SHISA9: variants seen among roughly 807,000 people sequenced by gnomAD.
SHISA9 encodes the protein protein shisa-9.
Under a neutral mutation model 38.0 loss-of-function variants are expected in SHISA9, and 13 were observed. The ratio of observed to expected loss-of-function variants is 0.34; its 90% CI spans 0.22 to 0.54. The LOEUF (loss-of-function observed/expected upper bound fraction) is 0.54, where lower values mean the gene tolerates loss of function less well. SHISA9 is among the 20% of genes least tolerant of loss of function. The pLI is 0.91. For missense variants in SHISA9, 538 were observed against 575.8 expected, an observed-to-expected ratio of 0.93 and a Z score of 0.67; for synonymous variants, 275 against 242.0, an observed-to-expected ratio of 1.14 and a Z score of -1.27.
the SHISA9 span, among the ~76,000 whole-genome samples, chr16:13,440,861 G>T: frequency 6.6e-6 from 1 of 151,774 alleles, no homozygotes; most frequent in Non-Finnish European, 1.5e-5. Flanking sequence ...GGCAGAGATT[G>T]CAGTGAGCTG....
chr16:13,435,227 C>A, the SHISA9 span, among the ~76,000 whole-genome samples: 1 of 139,402 alleles, frequency 7.2e-6, no homozygotes, highest in East Asian at 2.0e-4. Context: ...TTCTTAGAAT[C>A]TTTTTTTTTT....
At chr16:13,228,622 T>C (rs1408133944) in intron 4 of SHISA9, among the ~76,000 whole-genome samples, 2 of 152,186 alleles carry the variant, frequency 1.3e-5, no homozygotes, top group African/African-American at 4.8e-5. Context: ...GAAAGATTAC[T>C]GGGAGGAAAG....
intron 2 of SHISA9, among the ~76,000 whole-genome samples, chr16:13,026,868 A>T (rs1264618967): frequency 6.6e-6 from 1 of 152,212 alleles, no homozygotes; most frequent in Non-Finnish European, 1.5e-5. Context: ...TAGGAGAAGG[A>T]TGTGAAGCTC....
chr16:13,473,250 C>A, the SHISA9 span, among the ~76,000 whole-genome samples: 1 of 151,962 alleles, frequency 6.6e-6, no homozygotes, highest in East Asian at 1.9e-4. Context: ...ATTACCAAGG[C>A]AAGATACTTC....
chr16:13,375,071 G>A, the SHISA9 span, among the ~76,000 whole-genome samples: 1 of 152,000 alleles, frequency 6.6e-6, no homozygotes, highest in Non-Finnish European at 1.5e-5. Context: ...CTGGATATTA[G>A]CCCTTTGTCA....
chr16:13,132,553 C>A (rs1251209116), intron 2 of SHISA9, among the ~76,000 whole-genome samples: 3 of 152,204 alleles, frequency 2.0e-5, no homozygotes, highest in East Asian at 3.9e-4. Flanking sequence ...GCATCCACTT[C>A]CCCCATCTGT....
downstream of SHISA9, among the ~76,000 whole-genome samples, chr16:13,241,802 TC>T (rs1313995053): frequency 6.6e-6 from 1 of 152,108 alleles, no homozygotes; most frequent in East Asian, 1.9e-4. Flanking sequence ...CCAGAGCAGA[TC>T]CCCTGGGCTG....
Position 12,979,176 on chromosome 16 carries a change from C to T in SHISA9, c.691+62361C>T, listed in dbSNP as rs567148228. The stretch of plus-strand genomic sequence containing the variant: ...AATTCTTGCATGGTTTATAGCCACA[C>T]CCTCTCTGCTGGTCTTTGCCTGATC... On this transcript the variant is annotated intron_variant, in intron 2 of 4. Transcript: ENST00000558583. Among the ~76,000 whole-genome samples, 71 of 152,310 alleles carry T rather than the reference C, an allele frequency of 4.7e-4. No homozygotes were observed. In the South Asian group the frequency reaches 0.015, roughly 31 times the overall value.
At chr16:13,428,680 G>T in the SHISA9 span, among the ~76,000 whole-genome samples, 1 of 152,142 alleles carries the variant, frequency 6.6e-6, no homozygotes, top group Non-Finnish European at 1.5e-5. Flanking sequence ...GAAGGGTCTT[G>T]TCTGTTGGGC....
intron 2 of SHISA9, among the ~76,000 whole-genome samples, chr16:13,041,912 A>C (rs764481997): frequency 6.6e-6 from 1 of 152,242 alleles, no homozygotes; most frequent in Non-Finnish European, 1.5e-5. Flanking sequence ...AGCACATATG[A>C]GTACCATCGA....
chr16:13,207,101 T>G (rs2051072513), intron 3 of SHISA9, among the ~76,000 whole-genome samples: 1 of 152,158 alleles, frequency 6.6e-6, no homozygotes, highest in South Asian at 2.1e-4. Context: ...CTGTCTCTAC[T>G]AAAAATACAA....
At chr16:12,939,159 C>G (rs150934981) in intron 2 of SHISA9, among the ~76,000 whole-genome samples, 2 of 152,090 alleles carry the variant, frequency 1.3e-5, no homozygotes, top group African/African-American at 4.8e-5. Context: ...TCTTGGCTCA[C>G]TGCAGCTTCT....
At chr16:13,416,398 T>G in the SHISA9 span, among the ~76,000 whole-genome samples, 5 of 152,100 alleles carry the variant, frequency 3.3e-5, no homozygotes, top group African/African-American at 1.2e-4. Context: ...AGCACTAGAG[T>G]ACATATTCAA....
At chr16:12,993,982 T>C (rs1298817134) in intron 2 of SHISA9, among the ~76,000 whole-genome samples, 1 of 151,112 alleles carries the variant, frequency 6.6e-6, no homozygotes, top group Non-Finnish European at 1.5e-5. Flanking sequence ...GAGGGGAAAA[T>C]GGAGAAAATG....
chr16:13,167,077 T>TC (rs1200503462), intron 2 of SHISA9, among the ~76,000 whole-genome samples: 1 of 144,884 alleles, frequency 6.9e-6, no homozygotes, highest in Non-Finnish European at 1.5e-5. Context: ...TTTTTCTTTT[T>TC]TTTTTTTTTT....
In SHISA9 at chr16:13,035,422, A is replaced by G. The variant is rs559427369; in HGVS notation, c.691+118607A>G. Among the ~76,000 whole-genome samples, 326 of 152,184 alleles carry G rather than the reference A, an allele frequency of 2.1e-3. 1 individual carries two copies. The highest frequency in any genetic ancestry group is 2.8e-3 in the Non-Finnish European group (188 of 68,036). On this transcript the variant is annotated intron_variant, in intron 2 of 4. Transcript: ENST00000558583. The stretch of plus-strand genomic sequence containing the variant: ...ACAGTGTATCTGCACCCAGAATCCC[A>G]TGTTGGTGATAGAGGTTTGTCCACA...
intron 2 of SHISA9, among the ~76,000 whole-genome samples, chr16:13,011,541 A>C (rs2072675024): frequency 6.6e-6 from 1 of 151,604 alleles, no homozygotes. Flanking sequence ...TCTTTTTTGG[A>C]GTTGGAGTCT....
At chr16:13,202,698 A>G (rs2051017411) in intron 2 of SHISA9, among the ~76,000 whole-genome samples, 2 of 152,130 alleles carry the variant, frequency 1.3e-5, no homozygotes. Context: ...ATAATAATTC[A>G]TTTAAGAATT....
intron 2 of SHISA9, among the ~76,000 whole-genome samples, chr16:13,126,355 A>G (rs2050256096): frequency 1.3e-5 from 2 of 152,184 alleles, no homozygotes; most frequent in Admixed American, 6.5e-5. Flanking sequence ...ATTGATCTGC[A>G]CATAACCAAA....
Sources: gnomAD v4.1 joint callset for allele counts (sites outside exome capture counted in the v4.1 genomes callset) on GRCh38, gnomAD v4.1.1 for gene constraint, MANE v1.5 for transcripts, NCBI Gene and HGNC (gene_info 2026-07-23, HGNC 2026-07-21) for gene names.